AGMO: variants seen among roughly 807,000 people sequenced by gnomAD.
AGMO encodes the protein glyceryl-ether monooxygenase.
Under a neutral mutation model 60.2 loss-of-function variants are expected in AGMO, and 75 were observed. The ratio of observed to expected loss-of-function variants is 1.25; its 90% CI spans 1.03 to 1.51. AGMO has a LOEUF of 1.51. Among genes scored for constraint, AGMO ranks in the 40% most tolerant of loss-of-function variants. AGMO has a pLI of 0.00. For missense variants in AGMO, 763 were observed against 525.5 expected, an observed-to-expected ratio of 1.45 and a Z score of -4.42; for synonymous variants, 261 against 177.1, an observed-to-expected ratio of 1.47 and a Z score of -3.76.
chr7:15,263,236 A>G (rs1783328100), intron 12 of AGMO, among the ~76,000 whole-genome samples: 1 of 151,920 alleles, frequency 6.6e-6, no homozygotes, highest in Non-Finnish European at 1.5e-5. Context: ...TCAGGAAGAG[A>G]AAAAAAATCC....
At chr7:15,252,558 C>T (rs570694419) in intron 12 of AGMO, among the ~76,000 whole-genome samples, 1 of 152,256 alleles carries the variant, frequency 6.6e-6, no homozygotes, top group South Asian at 2.1e-4. Flanking sequence ...TCACTCTAAT[C>T]CTATGAAGAA....
At chr7:15,131,547 G>C in the AGMO span, among the ~76,000 whole-genome samples, 1 of 152,036 alleles carries the variant, frequency 6.6e-6, no homozygotes, top group Non-Finnish European at 1.5e-5. Context: ...TGTGGATGAA[G>C]ATTACATAAA....
At chr7:15,136,420 A>T in the AGMO span, among the ~76,000 whole-genome samples, 1 of 152,110 alleles carries the variant, frequency 6.6e-6, no homozygotes, top group African/African-American at 2.4e-5. Context: ...TTATATAATC[A>T]AGGTATTTAC....
At chr7:15,373,692 T>C (rs1398577125) in intron 10 of AGMO, among the ~76,000 whole-genome samples, 13 of 152,140 alleles carry the variant, frequency 8.5e-5, no homozygotes, top group Non-Finnish European at 1.3e-4. Context: ...TATGTTTCCA[T>C]ATGAAAAAAT....
intron 6 of AGMO, among the ~76,000 whole-genome samples, chr7:15,393,778 A>C (rs941113088): frequency 1.3e-5 from 2 of 152,212 alleles, no homozygotes. Flanking sequence ...GCACTGGGTC[A>C]AGAAGTAGCC....
chr7:15,471,335 G>A (rs1782445525), intron 3 of AGMO, among the ~76,000 whole-genome samples: 1 of 151,790 alleles, frequency 6.6e-6, no homozygotes, highest in Non-Finnish European at 1.5e-5. Context: ...TGAACATGAG[G>A]TTTAATGCAA....
At chr7:15,472,006 G>T (rs778442181) in intron 3 of AGMO, among the ~76,000 whole-genome samples, 4 of 151,818 alleles carry the variant, frequency 2.6e-5, no homozygotes, top group Non-Finnish European at 5.9e-5. Flanking sequence ...CCTAACAATA[G>T]ATATGAGCCT....
chr7:15,372,166 T>C (rs1562466539), intron 10 of AGMO, among the ~76,000 whole-genome samples: 2 of 150,950 alleles, frequency 1.3e-5, no homozygotes, highest in African/African-American at 4.9e-5. Context: ...AAGTCTAACA[T>C]GCGGCTGGGT....
chr7:15,502,600 TAG>T (rs1783415229), intron 3 of AGMO, among the ~76,000 whole-genome samples: 1 of 151,716 alleles, frequency 6.6e-6, no homozygotes, highest in Admixed American at 6.6e-5. Context: ...AGGGCCACCC[TAG>T]GAAATGCCGG....
chr7:15,420,490 A>T (rs2128494824), intron 4 of AGMO, among the ~76,000 whole-genome samples: 1 of 152,288 alleles, frequency 6.6e-6, no homozygotes, highest in South Asian at 2.1e-4. Flanking sequence ...GTGAGGAAAT[A>T]ATTCACATGA....
chr7:15,387,133 G>A (rs1358011252), intron 9 of AGMO, among the ~76,000 whole-genome samples: 1 of 152,190 alleles, frequency 6.6e-6, no homozygotes. Context: ...ACAAAGGCAA[G>A]CGTTCAAGTC....
chr7:15,413,550 G>A (rs1780675004), intron 5 of AGMO, among the ~76,000 whole-genome samples: 1 of 151,864 alleles, frequency 6.6e-6, no homozygotes. Flanking sequence ...TTAAAAGGAA[G>A]AGAAAAATTT....
intron 12 of AGMO, among the ~76,000 whole-genome samples, chr7:15,279,561 A>T (rs1783903684): frequency 6.6e-6 from 1 of 152,086 alleles, no homozygotes; most frequent in Non-Finnish European, 1.5e-5. Flanking sequence ...GGCAATGTTA[A>T]CATGCCCCTC....
chr7:15,157,822 AC>A, the AGMO span, among the ~76,000 whole-genome samples: 1 of 152,198 alleles, frequency 6.6e-6, no homozygotes, highest in South Asian at 2.1e-4. Context: ...CTTCTGTAAT[AC>A]TTGCAATAAT....
chr7:15,521,025 T>C (rs1351501991), intron 3 of AGMO, among the ~76,000 whole-genome samples: 1 of 152,112 alleles, frequency 6.6e-6, no homozygotes, highest in Non-Finnish European at 1.5e-5. Context: ...TCACCACTGA[T>C]CCCACAGAAA....
At chr7:15,418,176 C>T (rs1376626071) in intron 5 of AGMO, among the ~76,000 whole-genome samples, 2 of 151,746 alleles carry the variant, frequency 1.3e-5, no homozygotes, top group Non-Finnish European at 2.9e-5. Flanking sequence ...CAAAGAGTTT[C>T]AACAGATTAT....
At chr7:15,374,411 G>A (rs1478421279) in intron 10 of AGMO, among the ~76,000 whole-genome samples, 1 of 152,042 alleles carries the variant, frequency 6.6e-6, no homozygotes, top group African/African-American at 2.4e-5. Flanking sequence ...ACATTGAATT[G>A]ACATGGAGTT....
At chr7:15,497,539 A>AT (rs1290376641) in intron 3 of AGMO, among the ~76,000 whole-genome samples, 10 of 152,026 alleles carry the variant, frequency 6.6e-5, no homozygotes, top group African/African-American at 1.9e-4. Context: ...GTGGCATCCC[A>AT]TAACAGCAAC....
At chr7:15,401,148 A>G (rs1784543085) in intron 5 of AGMO, among the ~76,000 whole-genome samples, 1 of 152,156 alleles carries the variant, frequency 6.6e-6, no homozygotes, top group African/African-American at 2.4e-5. Context: ...ACATTACCTA[A>G]AAAATGTAAT....
Sources: gnomAD v4.1 joint callset for allele counts (sites outside exome capture counted in the v4.1 genomes callset) on GRCh38, gnomAD v4.1.1 for gene constraint, MANE v1.5 for transcripts, NCBI Gene and HGNC (gene_info 2026-07-23, HGNC 2026-07-21) for gene names.